The following RAB33A variants were observed in gnomAD, a reference collection of about 807,000 sequenced individuals.
RAB33A encodes ras-related protein Rab-33A.
In RAB33A, 6 loss-of-function variants were observed where a neutral mutation model predicts 12.0. That is an observed-to-expected ratio of 0.50 (90% CI 0.27 to 0.99). The LOEUF is 0.99. RAB33A is among the 50% of genes least tolerant of loss of function. RAB33A has a pLI of 0.11. For missense variants in RAB33A, 109 were observed against 192.0 expected (o/e 0.57, Z 2.55); for synonymous variants, 70 against 82.4 (o/e 0.85, Z 0.81).
the RAB33A span, among the ~76,000 whole-genome samples, chrX:130,166,121 C>A: frequency 9.0e-6 from 1 of 111,726 alleles, no homozygotes; most frequent in African/African-American, 3.2e-5. Context: ...AACAGCGTAG[C>A]CCCGGCATCG....
At chrX:130,136,415 ACT>A in the RAB33A span, among the ~76,000 whole-genome samples, 1 of 112,053 alleles carries the variant, frequency 8.9e-6, no homozygotes, top group Admixed American at 9.5e-5. Flanking sequence ...AGGACTCAAA[ACT>A]CTGTGAGACA....
chrX:130,124,819 G>A, the RAB33A span, among the ~76,000 whole-genome samples: 3 of 112,008 alleles, frequency 2.7e-5, no homozygotes, highest in East Asian at 5.6e-4. Context: ...AGGAAGTCAG[G>A]CTTTGTTCTG....
chrX:130,139,263 C>T, the RAB33A span, among the ~76,000 whole-genome samples: 1 of 108,747 alleles, frequency 9.2e-6, no homozygotes, highest in Non-Finnish European at 1.9e-5. Context: ...ACCCGGGAGG[C>T]GGAGGTTGCA....
chrX:130,127,268 T>C, the RAB33A span, among the ~76,000 whole-genome samples: 2 of 111,431 alleles, frequency 1.8e-5, no homozygotes, highest in African/African-American at 3.3e-5. Context: ...ATCTCTCCAT[T>C]CTTGGCATGG....
At chrX:130,164,167 CAAAAAAA>C in the RAB33A span, among the ~76,000 whole-genome samples, 17 of 74,866 alleles carry the variant, frequency 2.3e-4, no homozygotes. Flanking sequence ...GACTCCGTCT[CAAAAAAA>C]AAAAAAAAAA....
the RAB33A span, chrX:130,131,873 C>T: frequency 4.3e-6 from 5 of 1,150,739 alleles, no homozygotes; most frequent in Non-Finnish European, 5.9e-6. Flanking sequence ...CTCCATGACA[C>T]TGCATTTTTT....
At chrX:130,138,754 A>G in the RAB33A span, 4 of 840,232 alleles carry the variant, frequency 4.8e-6, no homozygotes, top group South Asian at 8.2e-5. Context: ...GCATAGGATA[A>G]TAATACTAGA....
At chrX:130,138,668 G>A in the RAB33A span, 2 of 1,206,968 alleles carry the variant, frequency 1.7e-6, no homozygotes, top group African/African-American at 1.8e-5. Flanking sequence ...TTGACTTCCC[G>A]TGAAATCTTC....
the RAB33A span, among the ~76,000 whole-genome samples, chrX:130,114,564 C>T: frequency 3.6e-5 from 4 of 112,230 alleles, no homozygotes; most frequent in Non-Finnish European, 7.5e-5. Flanking sequence ...TTCCCCTTCT[C>T]GAGTTGCCCA....
rs985455839 is a variant in RAB33A, at chrX:130,172,400, C to G, written c.258+80C>G. The G allele has an allele frequency of 4.6e-6, 5 of 1,090,095 alleles. No individual in the cohort carries two copies. In the Admixed American group the frequency reaches 1.5e-4, roughly 33 times the overall value. 89.8% of individuals were successfully genotyped at this position (1,090,095 alleles called of 1,213,427 possible). On this transcript the variant is annotated intron_variant, in intron 1 of 1. Transcript: ENST00000257017. ...GAGGCATAGCTCTAGCGGTTGTCGT[C>G]GTCCAGCGTCCAGCGCGTGGCGGTT... is the stretch of plus-strand genomic sequence containing the variant.
intron 1 of RAB33A, among the ~76,000 whole-genome samples, chrX:130,182,195 A>T (rs1365472233): frequency 1.1e-5 from 1 of 91,810 alleles, no homozygotes; most frequent in Non-Finnish European, 2.1e-5. Flanking sequence ...CATATATATA[A>T]CATATATACA....
At chrX:130,148,468 T>C in the RAB33A span, among the ~76,000 whole-genome samples, 2 of 111,744 alleles carry the variant, frequency 1.8e-5, no homozygotes, top group East Asian at 2.8e-4. Context: ...AAAGCAAATA[T>C]ACCTTTAGCA....
chrX:130,145,974 G>A, the RAB33A span, among the ~76,000 whole-genome samples: 200 of 111,938 alleles, frequency 1.8e-3, no homozygotes, highest in South Asian at 0.019. Context: ...CTAGATTTAG[G>A]TTCATTTCAA....
the RAB33A span, chrX:130,137,428 T>G: frequency 8.6e-7 from 1 of 1,164,049 alleles, no homozygotes. Context: ...GTGAACTCTG[T>G]GCACTTCCAC....
the RAB33A span, among the ~76,000 whole-genome samples, chrX:130,123,792 G>A: frequency 1.8e-5 from 2 of 109,029 alleles, no homozygotes; most frequent in Non-Finnish European, 3.8e-5. Context: ...ATCTGAGGAA[G>A]AGTGAAGAGG....
the RAB33A span, chrX:130,156,505 A>C: frequency 2.5e-6 from 3 of 1,211,838 alleles, no homozygotes; most frequent in Non-Finnish European, 3.4e-6. Flanking sequence ...ATAAGGACTA[A>C]CACAGAATTA....
At chrX:130,128,490 T>C in the RAB33A span, among the ~76,000 whole-genome samples, 1 of 111,632 alleles carries the variant, frequency 9.0e-6, no homozygotes, top group Admixed American at 9.5e-5. Flanking sequence ...CAGAATCACT[T>C]GAATCCGGGA....
intron 1 of RAB33A, among the ~76,000 whole-genome samples, chrX:130,183,883 C>T (rs1487347357): frequency 9.0e-6 from 1 of 111,543 alleles, no homozygotes. Context: ...TGTGTCACGG[C>T]TTGTCACTTT....
rs749098133 is a variant in RAB33A, at chrX:130,171,967, C to A, written c.-96C>A. The A allele has an allele frequency of 6.1e-5, 61 of 992,802 alleles. No homozygotes were observed. The highest frequency in any genetic ancestry group is 3.1e-4 in the South Asian group (13 of 41,924). 81.8% of individuals were successfully genotyped at this position (992,802 alleles called of 1,213,427 possible). A position where few individuals can be genotyped will look rare whatever the true frequency, so the allele number is the denominator to read the frequency against. The stretch of plus-strand genomic sequence containing the variant: ...ACACACACACGCGCGCACACACACA[C>A]GCACAGAGCTCGCTCGCCTCGAGCG... On this transcript the variant is annotated 5_prime_UTR_variant, in exon 1 of 2. Transcript: ENST00000257017.
Sources: gnomAD v4.1 joint callset for allele counts (sites outside exome capture counted in the v4.1 genomes callset) on GRCh38, gnomAD v4.1.1 for gene constraint, MANE v1.5 for transcripts, NCBI Gene and HGNC (gene_info 2026-07-23, HGNC 2026-07-21) for gene names.